AMBRA1: variants seen among roughly 807,000 people sequenced by gnomAD.
AMBRA1 encodes autophagy and beclin 1 regulator 1, also known as activating molecule in BECN1-regulated autophagy protein 1.
AMBRA1 carries 47 observed loss-of-function variants against 125.4 expected under a neutral mutation model. That is an observed-to-expected ratio of 0.37 (90% confidence interval 0.30 to 0.48). The LOEUF (loss-of-function observed/expected upper bound fraction) is 0.48, where lower values mean the gene tolerates loss of function less well. Ranked by LOEUF, AMBRA1 falls within the 20% of genes least tolerant of loss-of-function variation. The pLI is 0.99. For synonymous variants in AMBRA1, 626 were observed against 655.5 expected (o/e 0.95, Z 0.69); for missense variants, 1,331 against 1,693.4 (o/e 0.79, Z 3.76).
chr11:46,516,221 G>A (rs905799141), intron 7 of AMBRA1, among the ~76,000 whole-genome samples: 3 of 152,038 alleles, frequency 2.0e-5, no homozygotes, highest in Non-Finnish European at 2.9e-5. Context: ...TACTGCTAAT[G>A]CACAAAAGCA....
At position 46,567,041 on chromosome 11, in the gene AMBRA1, T is replaced by A. The variant is rs1457207697; in HGVS notation, c.-120-18541A>T. 3.3e-5 allele frequency among the ~76,000 whole-genome samples: 5 copies of A among 152,080 alleles called. 1 individual carries two copies. In the South Asian group the frequency reaches 1.0e-3, roughly 32 times the overall value. ...AGAAAATAAATAAAATTAAAATAAA[T>A]AAAAATGTAAGCATATTAAGTAGTG... On this transcript the variant is annotated intron_variant, in intron 1 of 17. Coordinates refer to ENST00000683756, the MANE Select transcript of AMBRA1 (RefSeq NM_001387011.1).
intron 1 of AMBRA1, among the ~76,000 whole-genome samples, chr11:46,578,239 C>A (rs748544035): frequency 6.6e-6 from 1 of 152,122 alleles, no homozygotes; most frequent in African/African-American, 2.4e-5. Context: ...GTAATCCCAG[C>A]ACCTTAGGAA....
At chr11:46,425,579 C>T (rs1322394659) in intron 14 of AMBRA1, among the ~76,000 whole-genome samples, 6 of 151,950 alleles carry the variant, frequency 3.9e-5, no homozygotes, top group Non-Finnish European at 8.8e-5. Flanking sequence ...CGGTAGCTCA[C>T]GCCTGTAATC....
chr11:46,556,585 T>C (rs1260156415), intron 1 of AMBRA1, among the ~76,000 whole-genome samples: 2 of 152,190 alleles, frequency 1.3e-5, no homozygotes, highest in Non-Finnish European at 2.9e-5. Context: ...ACAGTCAATA[T>C]GTATAGTCAT....
At chr11:46,576,197 G>T (rs1017886515) in intron 1 of AMBRA1, among the ~76,000 whole-genome samples, 2 of 152,184 alleles carry the variant, frequency 1.3e-5, no homozygotes, top group Admixed American at 6.5e-5. Flanking sequence ...TACTAATCTA[G>T]TATTTTACCA....
intron 11 of AMBRA1, among the ~76,000 whole-genome samples, chr11:46,467,843 G>T (rs2136865747): frequency 6.6e-6 from 1 of 152,252 alleles, no homozygotes; most frequent in South Asian, 2.1e-4. Context: ...ATTTAGAAGA[G>T]ATCTGGGAGA....
chr11:46,490,727 T>A (rs1194303498), intron 11 of AMBRA1, among the ~76,000 whole-genome samples: 1 of 152,180 alleles, frequency 6.6e-6, no homozygotes. Flanking sequence ...CACTTATGTC[T>A]GGAGTAAGAC....
At chr11:46,520,070 C>G (rs935177522) in intron 7 of AMBRA1, among the ~76,000 whole-genome samples, 1 of 149,804 alleles carries the variant, frequency 6.7e-6, no homozygotes, top group African/African-American at 2.5e-5. Context: ...ACCCAGGAGG[C>G]AGAGGTTGCA....
rs550332139 is a variant in AMBRA1, at chr11:46,502,050, G to GT, written c.2339+6140dup. Among the ~76,000 whole-genome samples the GT allele has an allele frequency of 3.5e-4, 53 of 152,074 alleles. 1 individual carries two copies. The highest frequency in any genetic ancestry group is 3.3e-3 in the Admixed American group (50 of 15,288). On this transcript the variant is annotated intron_variant, in intron 9 of 17. Transcript: ENST00000683756. ...AAAAATTATCTGGAAAATAAGAGAG[G>GT]TTTTTGTCTCTCTCCAGGTCATTTT...
intron 11 of AMBRA1, among the ~76,000 whole-genome samples, chr11:46,454,957 G>A (rs1948788478): frequency 1.4e-5 from 2 of 145,624 alleles, no homozygotes; most frequent in Non-Finnish European, 3.0e-5. Context: ...ACATCTTACT[G>A]CAGCCTCAAC....
At chr11:46,591,871 C>CA (rs1354732346) in intron 1 of AMBRA1, among the ~76,000 whole-genome samples, 7 of 150,268 alleles carry the variant, frequency 4.7e-5, no homozygotes, top group East Asian at 3.9e-4. Flanking sequence ...AACACACACA[C>CA]AAAAAAACGC....
chr11:46,426,070 TAAAAAAA>T (rs796784265), intron 14 of AMBRA1, among the ~76,000 whole-genome samples: 3 of 87,226 alleles, frequency 3.4e-5, no homozygotes, highest in South Asian at 7.3e-4. Context: ...CATCTCAAAA[TAAAAAAA>T]AAAAAAAAAG....
At chr11:46,568,803 CT>C (rs774631588) in intron 1 of AMBRA1, among the ~76,000 whole-genome samples, 9,160 of 96,516 alleles carry the variant, frequency 0.095, 150 homozygotes, top group Non-Finnish European at 0.12. Context: ...TCAACCCTAC[CT>C]TTTTTTTTTT....
chr11:46,432,548 G>A (rs887003054), intron 14 of AMBRA1, among the ~76,000 whole-genome samples: 3 of 152,090 alleles, frequency 2.0e-5, no homozygotes, highest in African/African-American at 7.2e-5. Context: ...TAAAACAAAT[G>A]CTTCCCATTC....
intron 8 of AMBRA1, among the ~76,000 whole-genome samples, chr11:46,508,768 G>A (rs1353657776): frequency 1.3e-5 from 2 of 152,176 alleles, no homozygotes; most frequent in East Asian, 3.9e-4. Context: ...GACATGAAAG[G>A]GACCTGAGCA....
intron 5 of AMBRA1, among the ~76,000 whole-genome samples, chr11:46,544,869 T>C (rs1952926974): frequency 6.6e-6 from 1 of 151,888 alleles, no homozygotes; most frequent in African/African-American, 2.4e-5. Flanking sequence ...ATAATCCCAA[T>C]ACTTTGGGAG....
chr11:46,429,960 C>A (rs185933784), intron 14 of AMBRA1, among the ~76,000 whole-genome samples: 25 of 152,084 alleles, frequency 1.6e-4, no homozygotes, highest in African/African-American at 5.8e-4. Flanking sequence ...GTAGCATATC[C>A]AGTCTGGAGG....
At chr11:46,458,721 T>A (rs915867171) in intron 11 of AMBRA1, among the ~76,000 whole-genome samples, 1 of 152,202 alleles carries the variant, frequency 6.6e-6, no homozygotes, top group Non-Finnish European at 1.5e-5. Context: ...TTCAGCCACC[T>A]GAGTAGCTGG....
intron 15 of AMBRA1, among the ~76,000 whole-genome samples, chr11:46,412,304 T>C (rs538276952): frequency 6.6e-6 from 1 of 152,318 alleles, no homozygotes; most frequent in South Asian, 2.1e-4. Context: ...TATTATACTG[T>C]ATTGCATCTC....
Sources: allele counts gnomAD v4.1 joint callset (sites outside exome capture counted in the v4.1 genomes callset), GRCh38; gene constraint gnomAD v4.1.1; transcripts MANE v1.5; gene names NCBI Gene and HGNC (gene_info 2026-07-23, HGNC 2026-07-21).